CSNK2A2IP: variants seen among roughly 807,000 people sequenced by gnomAD.
CSNK2A2IP encodes the protein casein kinase II subunit alpha'-interacting protein.
chr3:88,460,447 C>T, the CSNK2A2IP span, among the ~76,000 whole-genome samples: 6 of 152,154 alleles, frequency 3.9e-5, no homozygotes, highest in African/African-American at 1.4e-4. Flanking sequence ...CCTGCCCCCA[C>T]CTCACTCTCC....
At chr3:88,464,369 AC>A in the CSNK2A2IP span, among the ~76,000 whole-genome samples, 1 of 151,224 alleles carries the variant, frequency 6.6e-6, no homozygotes, top group Non-Finnish European at 1.5e-5. Context: ...CCTGAACATC[AC>A]CGATGTGATT....
the CSNK2A2IP span, among the ~76,000 whole-genome samples, chr3:88,388,103 T>C: frequency 6.6e-6 from 1 of 152,236 alleles, no homozygotes; most frequent in African/African-American, 2.4e-5. Flanking sequence ...TATTTTTTCT[T>C]TCTGATGGCA....
chr3:88,359,918 G>T, the CSNK2A2IP span, among the ~76,000 whole-genome samples: 4 of 152,118 alleles, frequency 2.6e-5, no homozygotes, highest in Middle Eastern at 3.4e-3. Context: ...TTTCTTTGTT[G>T]ATTTTCTGTC....
the CSNK2A2IP span, among the ~76,000 whole-genome samples, chr3:88,418,464 G>GTGTGTGTGCGCA: frequency 1.1e-3 from 42 of 36,846 alleles, no homozygotes; most frequent in African/African-American, 3.9e-3. Flanking sequence ...GTGTGTGTGT[G>GTGTGTGTGCGCA]CGCGCGGGCG....
chr3:88,387,915 C>T, the CSNK2A2IP span, among the ~76,000 whole-genome samples: 3 of 152,002 alleles, frequency 2.0e-5, no homozygotes, highest in African/African-American at 4.8e-5. Context: ...TCTGTAGAGA[C>T]GTGGTCTTGC....
At chr3:88,384,810 T>G in the CSNK2A2IP span, among the ~76,000 whole-genome samples, 1 of 152,034 alleles carries the variant, frequency 6.6e-6, no homozygotes. Flanking sequence ...GTGGGCAGAT[T>G]GGTATATATT....
At chr3:88,412,711 A>G in the CSNK2A2IP span, among the ~76,000 whole-genome samples, 2 of 152,018 alleles carry the variant, frequency 1.3e-5, no homozygotes, top group African/African-American at 4.8e-5. Flanking sequence ...CCTAGATGGC[A>G]GAGCACATTA....
At chr3:88,348,129 A>G in the CSNK2A2IP span, among the ~76,000 whole-genome samples, 24 of 152,008 alleles carry the variant, frequency 1.6e-4, no homozygotes, top group Non-Finnish European at 3.2e-4. Context: ...ACTGAGAGAC[A>G]TCTATTTGAC....
chr3:88,356,732 CT>C, the CSNK2A2IP span, among the ~76,000 whole-genome samples: 3 of 151,824 alleles, frequency 2.0e-5, no homozygotes, highest in Non-Finnish European at 2.9e-5. Context: ...GAGTGTTCCC[CT>C]TTTTTTTCCA....
the CSNK2A2IP span, among the ~76,000 whole-genome samples, chr3:88,459,098 A>T: frequency 6.6e-6 from 1 of 152,140 alleles, no homozygotes; most frequent in African/African-American, 2.4e-5. Context: ...TTTTCTATTT[A>T]TTAGGAATAT....
At chr3:88,466,629 T>G in the CSNK2A2IP span, 1 of 1,230,332 alleles carries the variant, frequency 8.1e-7, no homozygotes, top group Non-Finnish European at 1.0e-6. Context: ...TTGTTAAAGG[T>G]GGAACTGTCC....
the CSNK2A2IP span, among the ~76,000 whole-genome samples, chr3:88,346,852 G>T: frequency 6.6e-6 from 1 of 151,716 alleles, no homozygotes; most frequent in Non-Finnish European, 1.5e-5. Flanking sequence ...AATACATTTT[G>T]TGAGGCTATA....
At chr3:88,435,758 G>T in the CSNK2A2IP span, among the ~76,000 whole-genome samples, 1 of 150,550 alleles carries the variant, frequency 6.6e-6, no homozygotes, top group Non-Finnish European at 1.5e-5. Context: ...TAGTAACTTA[G>T]TATGAGTTTT....
the CSNK2A2IP span, among the ~76,000 whole-genome samples, chr3:88,415,772 C>CATA: frequency 6.6e-6 from 1 of 152,004 alleles, no homozygotes; most frequent in Non-Finnish European, 1.5e-5. Context: ...GCCTCCTTTA[C>CATA]AAGCCCTAAA....
At chr3:88,439,803 T>G in the CSNK2A2IP span, among the ~76,000 whole-genome samples, 1 of 151,528 alleles carries the variant, frequency 6.6e-6, no homozygotes, top group Non-Finnish European at 1.5e-5. Flanking sequence ...GGATTAGGAT[T>G]CAGTACTTTA....
At chr3:88,438,797 A>G in the CSNK2A2IP span, among the ~76,000 whole-genome samples, 2 of 152,212 alleles carry the variant, frequency 1.3e-5, no homozygotes, top group Non-Finnish European at 2.9e-5. Context: ...GATTAAATAA[A>G]TATGTTGTGT....
At chr3:88,462,520 A>G in the CSNK2A2IP span, among the ~76,000 whole-genome samples, 1 of 152,196 alleles carries the variant, frequency 6.6e-6, no homozygotes, top group African/African-American at 2.4e-5. Flanking sequence ...AGAGAGAGTG[A>G]GGTCATGTTG....
chr3:88,359,970 C>G, the CSNK2A2IP span, among the ~76,000 whole-genome samples: 1 of 151,944 alleles, frequency 6.6e-6, no homozygotes, highest in South Asian at 2.1e-4. Flanking sequence ...GTTGAAGTCC[C>G]CAACTATTAT....
chr3:88,392,464 G>A, the CSNK2A2IP span, among the ~76,000 whole-genome samples: 3 of 152,070 alleles, frequency 2.0e-5, no homozygotes, highest in Non-Finnish European at 4.4e-5. Context: ...GGAAAAGAAA[G>A]AACAAGCAAA....
Sources: gnomAD v4.1 joint callset for allele counts (sites outside exome capture counted in the v4.1 genomes callset) on GRCh38, gnomAD v4.1.1 for gene constraint, MANE v1.5 for transcripts, NCBI Gene and HGNC (gene_info 2026-07-23, HGNC 2026-07-21) for gene names.